PTGER3: variants seen among roughly 807,000 people sequenced by gnomAD.
PTGER3 encodes prostaglandin E2 receptor EP3 subtype.
PTGER3 carries 22 observed loss-of-function variants against 34.7 expected under a neutral mutation model. The ratio of observed to expected loss-of-function variants is 0.63; its 90% CI spans 0.45 to 0.91. The LOEUF is 0.91. Among genes scored for constraint, PTGER3 ranks in the 40% least tolerant of loss-of-function variants. PTGER3 has a pLI of 0.00. For synonymous variants in PTGER3, 241 were observed against 230.1 expected (o/e 1.05, Z -0.43); for missense variants, 468 against 519.4 (o/e 0.90, Z 0.96).
rs1487717194 is a variant in PTGER3 at position 70,899,675 on chromosome 1, G to A, written c.*24-46816C>T. On this transcript the variant is annotated intron_variant, in intron 4 of 4. Transcript: ENST00000370931. ...TAGGGAGGGAACAAACTATATTTGG[G>A]TTTTATGCTAGTAGTTGTGTGAAGG... Among the ~76,000 whole-genome samples, 6 of 152,058 alleles carry A rather than the reference G, an allele frequency of 3.9e-5. 1 individual carries two copies. The highest frequency in any genetic ancestry group is 4.2e-4 in the South Asian group (2 of 4,816).
At chr1:70,928,117 C>A (rs972065869) in intron 4 of PTGER3, among the ~76,000 whole-genome samples, 5 of 125,214 alleles carry the variant, frequency 4.0e-5, no homozygotes, top group Admixed American at 2.7e-4. Flanking sequence ...GAAATCCATT[C>A]ATCATATATA....
intron 2 of PTGER3, among the ~76,000 whole-genome samples, chr1:70,955,539 G>A (rs1344083969): frequency 6.6e-6 from 1 of 151,988 alleles, no homozygotes; most frequent in Admixed American, 6.6e-5. Flanking sequence ...GGGAGAGAGG[G>A]GAAAAGTCCT....
chr1:71,011,915 C>T, intron 2 of PTGER3: 7 of 1,167,322 alleles, frequency 6.0e-6, no homozygotes, highest in Non-Finnish European at 7.4e-6. Flanking sequence ...ACTATCCCCG[C>T]TCCCCAATAG....
downstream of PTGER3, among the ~76,000 whole-genome samples, chr1:70,950,555 A>G (rs1650660566): frequency 6.6e-6 from 1 of 152,176 alleles, no homozygotes; most frequent in African/African-American, 2.4e-5. Context: ...CAGACTAAAA[A>G]CATATAAGAA....
At chr1:70,902,727 G>A (rs989055410) in intron 4 of PTGER3, among the ~76,000 whole-genome samples, 6 of 152,194 alleles carry the variant, frequency 3.9e-5, no homozygotes, top group African/African-American at 1.4e-4. Context: ...AGAAAGTTCT[G>A]TGTAGTTGGT....
At chr1:70,877,005 G>C (rs1334683847) in intron 4 of PTGER3, among the ~76,000 whole-genome samples, 1 of 152,172 alleles carries the variant, frequency 6.6e-6, no homozygotes, top group South Asian at 2.1e-4. Context: ...TTCATTGGTA[G>C]TTTGATAGAA....
intron 4 of PTGER3, among the ~76,000 whole-genome samples, chr1:70,919,179 A>G (rs1647302492): frequency 6.6e-6 from 1 of 152,064 alleles, no homozygotes; most frequent in Non-Finnish European, 1.5e-5. Context: ...GTAAACCACC[A>G]CCCAACTTTG....
intron 4 of PTGER3, among the ~76,000 whole-genome samples, chr1:70,932,738 G>A (rs1007573927): frequency 6.6e-6 from 1 of 152,174 alleles, no homozygotes; most frequent in Admixed American, 6.5e-5. Flanking sequence ...TACAAGTCAA[G>A]ATGAGATTTG....
rs911959966 is a variant in PTGER3 at position 71,047,314 on chromosome 1, G to A, written c.264C>T (p.Phe88=). 5 of 1,606,106 alleles carry A rather than the reference G, an allele frequency of 3.1e-6. No individual in the cohort carries two copies. Among genetic ancestry groups the A allele is most frequent in the Non-Finnish European group, 2.5e-6 (3 of 1,177,014 alleles). The change falls in exon 1 of 4, where the codon TTC becomes TTT. Residue 88 remains phenylalanine, a synonymous_variant. Transcript: ENST00000306666. The part of the protein sequence containing the change: ...RRRESKRKKS[F]LLCIGWLALT... Reference sequence around the variant, plus strand: ...GCGCCAGCCAGCCGATGCACAGCAGGAAGGACTTCTTGCGCTTGCTCTCCC... The same window carrying A: ...GCGCCAGCCAGCCGATGCACAGCAGAAAGGACTTCTTGCGCTTGCTCTCCC...
chr1:71,046,132 A>AT (rs1290579977), intron 1 of PTGER3, among the ~76,000 whole-genome samples: 2 of 151,624 alleles, frequency 1.3e-5, no homozygotes, highest in African/African-American at 4.8e-5. Flanking sequence ...ATAAAAAAAA[A>AT]AAATTAGCCG....
At chr1:70,940,891 A>G (rs1208351365) in intron 4 of PTGER3, among the ~76,000 whole-genome samples, 1 of 152,186 alleles carries the variant, frequency 6.6e-6, no homozygotes, top group Non-Finnish European at 1.5e-5. Context: ...TCATGTTTCT[A>G]ACTCATGGTC....
intron 4 of PTGER3, among the ~76,000 whole-genome samples, chr1:70,882,778 G>C (rs1361394428): frequency 6.6e-6 from 1 of 152,164 alleles, no homozygotes; most frequent in Non-Finnish European, 1.5e-5. Flanking sequence ...TACCATGTGG[G>C]AGAGGTTCTC....
At chr1:71,045,790 G>A (rs1209869396) in intron 1 of PTGER3, among the ~76,000 whole-genome samples, 1 of 152,018 alleles carries the variant, frequency 6.6e-6, no homozygotes, top group African/African-American at 2.4e-5. Context: ...GGATCCCACT[G>A]ACTGTCGTTC....
At chr1:71,022,387 A>C (rs1658497526) in intron 1 of PTGER3, among the ~76,000 whole-genome samples, 1 of 151,944 alleles carries the variant, frequency 6.6e-6, no homozygotes. Flanking sequence ...TGATAAATTA[A>C]GTGGCCTCAG....
At chr1:70,966,509 T>C (rs1652531763), downstream of PTGER3, among the ~76,000 whole-genome samples, 1 of 152,194 alleles carries the variant, frequency 6.6e-6, no homozygotes, top group Non-Finnish European at 1.5e-5. Flanking sequence ...ACAGGATGCA[T>C]GCACAAAACG....
At chr1:70,949,498 A>G (rs1202548897), downstream of PTGER3, among the ~76,000 whole-genome samples, 1 of 152,214 alleles carries the variant, frequency 6.6e-6, no homozygotes, top group Non-Finnish European at 1.5e-5. Context: ...AAAAGAGTAC[A>G]GTTCAAGGGA....
chr1:70,969,333 A>G (rs1003492517), downstream of PTGER3, among the ~76,000 whole-genome samples: 1 of 152,272 alleles, frequency 6.6e-6, no homozygotes, highest in Admixed American at 6.5e-5. Flanking sequence ...CAACATAAAA[A>G]CAAAAAGCTA....
rs569307034 is a variant in PTGER3 at position 71,002,472 on chromosome 1, G to A, written c.1077+9833C>T. On this transcript the variant is annotated intron_variant, in intron 2 of 3. Coordinates refer to ENST00000306666, the MANE Select transcript of PTGER3 (RefSeq NM_198719.2). Reference sequence around the variant, plus strand: ...ATTATGACACACAAAACTTTAGAGAGCATTTTTGTAAAATGACTGTATTTA... The same window carrying A: ...ATTATGACACACAAAACTTTAGAGAACATTTTTGTAAAATGACTGTATTTA... Among the ~76,000 whole-genome samples, 3 of 152,226 alleles carry A rather than the reference G, an allele frequency of 2.0e-5. No individual in the cohort carries two copies. In the South Asian group the frequency reaches 6.2e-4, roughly 32 times the overall value.
intron 4 of PTGER3, among the ~76,000 whole-genome samples, chr1:70,856,491 CAG>C (rs1645808176): frequency 2.9e-5 from 4 of 138,792 alleles, no homozygotes; most frequent in East Asian, 2.1e-4. Flanking sequence ...AGCATCAAAA[CAG>C]AGTTGCATTT....
Sources: gnomAD v4.1 joint callset for allele counts (sites outside exome capture counted in the v4.1 genomes callset) on GRCh38, gnomAD v4.1.1 for gene constraint, MANE v1.5 for transcripts, NCBI Gene and HGNC (gene_info 2026-07-23, HGNC 2026-07-21) for gene names.